The following GRAMD1B variants were observed in gnomAD, a reference collection of about 807,000 sequenced individuals.
The protein encoded by GRAMD1B is protein Aster-B.
A neutral mutation model predicts 99.7 loss-of-function variants in GRAMD1B; 37 were observed. That is an observed-to-expected ratio of 0.37 (90% CI 0.29 to 0.49). GRAMD1B has a LOEUF of 0.49. GRAMD1B is among the 20% of genes least tolerant of loss of function. The probability of loss-of-function intolerance (pLI) is 0.98; values close to 1 mark genes in which losing one functional copy is unlikely to be tolerated. For synonymous variants in GRAMD1B, 427 were observed against 387.6 expected, an observed-to-expected ratio of 1.10 and a Z score of -1.19; for missense variants, 888 against 1,009.2, an observed-to-expected ratio of 0.88 and a Z score of 1.63.
At chr11:123,502,238 C>G (rs1287484748) in intron 2 of GRAMD1B, among the ~76,000 whole-genome samples, 1 of 152,196 alleles carries the variant, frequency 6.6e-6, no homozygotes, top group Admixed American at 6.5e-5. Context: ...CAGTGATGTC[C>G]AGGCATTCGG....
rs781626323 is a variant in GRAMD1B, at chr11:123,613,606, G to C, written c.2175G>C (p.Pro725=). The stretch of plus-strand genomic sequence containing the variant: ...CTCACCTGGAAGAGGTGATGAGCCC[G>C]GTCACCACGCCCACAGATGAGGATG... ...RVPHLEEVMS[P]VTTPTDEDVG... The change falls in exon 16 of 20, where the codon CCG becomes CCC. Residue 725 remains proline (P), a synonymous_variant. Transcript: ENST00000635736. 1 of 1,613,846 alleles carries C rather than the reference G, an allele frequency of 6.2e-7. No individual in the cohort carries two copies. Among genetic ancestry groups the C allele is most frequent in the South Asian group, 1.1e-5 (1 of 91,042 alleles).
At chr11:123,457,865 C>T (rs2134447496) in intron 1 of GRAMD1B, among the ~76,000 whole-genome samples, 1 of 152,152 alleles carries the variant, frequency 6.6e-6, no homozygotes, top group South Asian at 2.1e-4. Flanking sequence ...CAGGCATGCA[C>T]CACCGCACCT....
chr11:123,386,927 A>T (rs1361600497), intron 1 of GRAMD1B, among the ~76,000 whole-genome samples: 1 of 152,250 alleles, frequency 6.6e-6, no homozygotes, highest in African/African-American at 2.4e-5. Flanking sequence ...GAGGAAGATG[A>T]CATCAGCCTC....
chr11:123,564,404 C>G (rs1947125957), intron 2 of GRAMD1B, among the ~76,000 whole-genome samples: 1 of 152,240 alleles, frequency 6.6e-6, no homozygotes, highest in Non-Finnish European at 1.5e-5. Flanking sequence ...AGCATCCACT[C>G]TAGTTCTTGC....
intron 1 of GRAMD1B, among the ~76,000 whole-genome samples, chr11:123,470,510 CTTTTTTTT>C (rs61137951): frequency 1.9e-5 from 2 of 102,736 alleles, no homozygotes; most frequent in Admixed American, 1.1e-4. Context: ...TTCTTTCTTT[CTTTTTTTT>C]TTTTTTTTTT....
At position 123,416,891 on chromosome 11, in the gene GRAMD1B, TTAA is replaced by T. The variant is rs565971587; in HGVS notation, c.-176+58094_-176+58096del. 1.5e-4 allele frequency among the ~76,000 whole-genome samples: 23 copies of T among 152,342 alleles called. No homozygotes were observed. The South Asian group carries it at 4.3e-3, about 29-fold the overall frequency. ...GCCCTTGAGATGGGCACTATTATTA[TTAA>T]TCTGATTTTTCACATTGGTTAACTG... On this transcript the variant is annotated intron_variant, in intron 1 of 20. Coordinates refer to the GRAMD1B transcript ENST00000638157.
intron 8 of GRAMD1B, among the ~76,000 whole-genome samples, chr11:123,602,052 A>T (rs996151987): frequency 1.3e-4 from 20 of 152,166 alleles, no homozygotes; most frequent in African/African-American, 3.9e-4. Context: ...GGCAGGGTGG[A>T]TGTTGCACAT....
chr11:123,432,547 C>A (rs1335008007), intron 1 of GRAMD1B, among the ~76,000 whole-genome samples: 1 of 121,678 alleles, frequency 8.2e-6, no homozygotes, highest in East Asian at 2.7e-4. Context: ...CAGAGTGAGA[C>A]TCTGTCTCAA....
chr11:123,460,098 A>C (rs1208562452), intron 1 of GRAMD1B: 1 of 151,702 alleles, frequency 6.6e-6, no homozygotes, highest in East Asian at 1.9e-4. Context: ...AAAATTCTCA[A>C]ACTAAAAATA....
intron 3 of GRAMD1B, 137 bp from the exon 4 acceptor site, chr11:123,584,175 C>A: frequency 3.5e-6 from 2 of 575,004 alleles, no homozygotes; most frequent in Non-Finnish European, 6.2e-6. Flanking sequence ...TCCTGAGCAA[C>A]CACATGGGAA....
intron 1 of GRAMD1B, among the ~76,000 whole-genome samples, chr11:123,403,872 G>A (rs1947761870): frequency 6.6e-6 from 1 of 152,032 alleles, no homozygotes; most frequent in Admixed American, 6.6e-5. Context: ...TCACCCAACC[G>A]TGACTCTCCT....
intron 19 of GRAMD1B, among the ~76,000 whole-genome samples, chr11:123,621,864 T>C (rs970289824): frequency 1.2e-5 from 1 of 85,380 alleles, no homozygotes. Context: ...TGTCTTTCTT[T>C]CTTTTCTTTC....
intron 5 of GRAMD1B, 35 bp from the exon 6 acceptor site, chr11:123,594,700 G>A: frequency 9.0e-7 from 1 of 1,113,608 alleles, no homozygotes; most frequent in African/African-American, 1.5e-5. Flanking sequence ...AATGCTTCCT[G>A]CCTCTGAGCT....
intron 2 of GRAMD1B, among the ~76,000 whole-genome samples, chr11:123,573,999 C>T (rs554810861): frequency 6.6e-6 from 1 of 150,794 alleles, no homozygotes; most frequent in South Asian, 2.1e-4. Context: ...GTGCTTTAGT[C>T]AGCTCCAAGG....
chr11:123,504,050 G>T (rs1940167794), intron 2 of GRAMD1B, among the ~76,000 whole-genome samples: 1 of 152,176 alleles, frequency 6.6e-6, no homozygotes, highest in Non-Finnish European at 1.5e-5. Context: ...TCACTGTGCT[G>T]CACTATCCTG....
upstream of GRAMD1B, among the ~76,000 whole-genome samples, chr11:123,429,307 A>G (rs1948764690): frequency 6.6e-6 from 1 of 152,076 alleles, no homozygotes; most frequent in African/African-American, 2.4e-5. The surrounding 1 kb of genome is among the most constrained non-coding windows in gnomAD (Gnocchi z 4.0). Flanking sequence ...GCTGGGTTAG[A>G]CTCAGTGCCC....
intron 5 of GRAMD1B, 145 bp from the exon 6 acceptor site, chr11:123,594,590 G>T (rs944624232): frequency 9.6e-6 from 6 of 622,018 alleles, no homozygotes; most frequent in Non-Finnish European, 1.7e-5. Flanking sequence ...TTCCTTGGCT[G>T]CTAGTTCAAG....
rs1435391444 is a variant in GRAMD1B at position 123,592,824 on chromosome 11, G to A, written c.685-1258G>A. 2.0e-5 allele frequency among the ~76,000 whole-genome samples: 3 copies of A among 152,288 alleles called. No individual in the cohort carries two copies. In the South Asian group the frequency reaches 6.2e-4, roughly 32 times the overall value. On this transcript the variant is annotated intron_variant, in intron 4 of 19. Coordinates refer to ENST00000635736, the MANE Select transcript of GRAMD1B (RefSeq NM_001387025.1). ...TGTGGGTGTCTCCGTTTGGCCGTGC[G>A]TGGCTCGTCCCAGGTTTTGCACTTG...
chr11:123,578,562 C>T, intron 3 of GRAMD1B: 2 of 695,600 alleles, frequency 2.9e-6, no homozygotes, highest in Admixed American at 2.3e-5. Flanking sequence ...CCCAGAAGGG[C>T]CGGCCCCACT....
Sources: gnomAD v4.1 joint callset for allele counts (sites outside exome capture counted in the v4.1 genomes callset) on GRCh38, gnomAD v4.1.1 for gene constraint, Gnocchi (gnomAD v3.1) non-coding constraint, MANE v1.5 for transcripts, NCBI Gene and HGNC (gene_info 2026-07-23, HGNC 2026-07-21) for gene names.